PPARG: variants seen among roughly 807,000 people sequenced by gnomAD.
PPARG encodes the protein peroxisome proliferator-activated receptor gamma.
A neutral mutation model predicts 39.2 loss-of-function variants in PPARG; 17 were observed. The ratio of observed to expected loss-of-function variants is 0.43; its 90% CI spans 0.30 to 0.65. The LOEUF (loss-of-function observed/expected upper bound fraction) is 0.65. Ranked by LOEUF, PPARG falls within the 30% of genes least tolerant of loss-of-function variation. The probability of loss-of-function intolerance (pLI) is 0.13; values close to 1 mark genes in which losing one functional copy is unlikely to be tolerated. For missense variants in PPARG, 406 were observed against 585.9 expected (o/e 0.69, Z 3.17); for synonymous variants, 223 against 215.7 (o/e 1.03, Z -0.30).
chr3:12,366,637 G>T (rs956879669), intron 2 of PPARG, among the ~76,000 whole-genome samples: 28 of 152,054 alleles, frequency 1.8e-4, no homozygotes, highest in African/African-American at 6.5e-4. Context: ...TTCTTTTTCT[G>T]CATTTATTGA....
At position 12,426,366 on chromosome 3, in the gene PPARG, AT is replaced by A. The variant is rs1244443399; in HGVS notation, c.1181-7528del. 2.0e-5 allele frequency among the ~76,000 whole-genome samples: 3 copies of A among 152,298 alleles called. No individual in the cohort carries two copies. The East Asian group carries it at 5.8e-4, about 29-fold the overall frequency. On this transcript the variant is annotated intron_variant, in intron 7 of 7. Transcript: ENST00000651735. Reference sequence around the variant, plus strand: ...TTGTCAAAGCATTTGCAAGATCTCTATTTTATGTCATCCCCTTTCCCTGAAA... The same window carrying A: ...TTGTCAAAGCATTTGCAAGATCTCTATTTATGTCATCCCCTTTCCCTGAAA...
intron 2 of PPARG, among the ~76,000 whole-genome samples, chr3:12,365,430 T>A (rs1160518824): frequency 2.6e-5 from 4 of 152,234 alleles, no homozygotes; most frequent in Non-Finnish European, 5.9e-5. Context: ...TCTCTGGTGG[T>A]GTATCTAAAA....
At chr3:12,323,893 C>T (rs892161862) in intron 2 of PPARG, among the ~76,000 whole-genome samples, 1 of 152,086 alleles carries the variant, frequency 6.6e-6, no homozygotes, top group Non-Finnish European at 1.5e-5. Flanking sequence ...GACCCTAGAC[C>T]ATTGCTAATT....
chr3:12,417,053 AC>A lies in PPARG; in HGVS notation c.1080del (p.Phe361LeufsTer10). ...AAGAGCCTGCGAAAGCCTTTTGGTG[AC>A]TTTATGGAGCCCAAGTTTGAGTTTG... Reference protein sequence around the residue: ...FLKSLRKPFGDFMEPKFEFAV... With the variant: ...FLKSLRKPFGXFMEPKFEFAV... On this transcript the variant is annotated frameshift_variant, in exon 7 of 8. Coordinates refer to ENST00000651735, the MANE Select transcript of PPARG (RefSeq NM_138711.6). LOFTEE classifies it high-confidence loss of function. 6.2e-7 allele frequency: 1 copy of A among 1,612,894 alleles called. No individual in the cohort carries two copies. Among genetic ancestry groups the A allele is most frequent in the Non-Finnish European group, 8.5e-7 (1 of 1,179,228 alleles).
At chr3:12,331,278 T>G (rs988771862) in intron 2 of PPARG, among the ~76,000 whole-genome samples, 1 of 152,180 alleles carries the variant, frequency 6.6e-6, no homozygotes, top group Non-Finnish European at 1.5e-5. Flanking sequence ...TGAGTTAAGT[T>G]ACTGTGAGAG....
chr3:12,317,343 A>C (rs2047417382), intron 2 of PPARG, among the ~76,000 whole-genome samples: 1 of 152,212 alleles, frequency 6.6e-6, no homozygotes, highest in East Asian at 1.9e-4. Flanking sequence ...GATTTTTTAA[A>C]ATAAAAAGAT....
chr3:12,308,509 A>C (rs1038004383), intron 1 of PPARG, among the ~76,000 whole-genome samples: 1 of 152,154 alleles, frequency 6.6e-6, no homozygotes, highest in Non-Finnish European at 1.5e-5. Context: ...TATTGAGCCA[A>C]TCGTTATGCA....
chr3:12,404,620 G>A (rs755220157), intron 5 of PPARG, among the ~76,000 whole-genome samples: 1 of 152,066 alleles, frequency 6.6e-6, no homozygotes, highest in Admixed American at 6.6e-5. Flanking sequence ...CCTGGACAAC[G>A]TGGTAAAACC....
chr3:12,289,407 G>C (rs530379328), intron 1 of PPARG, among the ~76,000 whole-genome samples: 1 of 152,116 alleles, frequency 6.6e-6, no homozygotes, highest in African/African-American at 2.4e-5. Flanking sequence ...AAGTTTATTT[G>C]TGTAAATTAT....
intron 7 of PPARG, among the ~76,000 whole-genome samples, chr3:12,417,847 G>A (rs1392259093): frequency 1.4e-5 from 2 of 141,478 alleles, no homozygotes; most frequent in East Asian, 4.3e-4. Flanking sequence ...AATTCCAAAA[G>A]CCAGATTTTC....
At chr3:12,390,658 T>TTTG (rs2050042507) in intron 4 of PPARG, among the ~76,000 whole-genome samples, 1 of 146,460 alleles carries the variant, frequency 6.8e-6, no homozygotes, top group African/African-American at 2.5e-5. Context: ...TTTTTTTTTT[T>TTTG]GAGACAATGT....
chr3:12,318,979 A>G (rs2047466103), intron 2 of PPARG, among the ~76,000 whole-genome samples: 1 of 152,330 alleles, frequency 6.6e-6, no homozygotes, highest in African/African-American at 2.4e-5. Flanking sequence ...TAGACAGGAC[A>G]TAGGAAATTT....
At chr3:12,364,775 C>T (rs1339952471) in intron 2 of PPARG, among the ~76,000 whole-genome samples, 1 of 152,136 alleles carries the variant, frequency 6.6e-6, no homozygotes, top group African/African-American at 2.4e-5. Flanking sequence ...GTTTGCAGTG[C>T]TCTCGTGACA....
intron 4 of PPARG, among the ~76,000 whole-genome samples, chr3:12,390,470 T>G (rs1469518406): frequency 6.6e-6 from 1 of 152,064 alleles, no homozygotes; most frequent in East Asian, 1.9e-4. Context: ...TAAATCATAG[T>G]CTTTCACTAA....
intron 2 of PPARG, among the ~76,000 whole-genome samples, chr3:12,367,866 C>T (rs1454399530): frequency 4.6e-5 from 7 of 151,642 alleles, no homozygotes; most frequent in Non-Finnish European, 8.8e-5. Context: ...CAGAGTGAGA[C>T]CCTGCCTCAA....
intron 2 of PPARG, among the ~76,000 whole-genome samples, chr3:12,334,843 T>A (rs938417890): frequency 6.6e-6 from 1 of 152,218 alleles, no homozygotes; most frequent in Non-Finnish European, 1.5e-5. Flanking sequence ...ACCATCTAGG[T>A]CAATACATTT....
At chr3:12,358,148 C>G (rs2048726183) in intron 2 of PPARG, among the ~76,000 whole-genome samples, 1 of 152,168 alleles carries the variant, frequency 6.6e-6, no homozygotes. Context: ...GAGTAGCATT[C>G]ATTGAATATC....
chr3:12,390,733 C>T (rs1034913148), intron 4 of PPARG, among the ~76,000 whole-genome samples: 1 of 141,358 alleles, frequency 7.1e-6, no homozygotes, highest in Non-Finnish European at 1.5e-5. Flanking sequence ...GCAGTTAGAC[C>T]TCCTGGGCTC....
chr3:12,392,539 A>AT (rs759092883), intron 4 of PPARG, 75 bp from the exon 5 acceptor site: 2 of 1,546,854 alleles, frequency 1.3e-6, no homozygotes, highest in Non-Finnish European at 8.9e-7. Flanking sequence ...CCAGGCCAGT[A>AT]TACCTTTCGC....
Sources: allele counts gnomAD v4.1 joint callset (sites outside exome capture counted in the v4.1 genomes callset), GRCh38; gene constraint gnomAD v4.1.1; transcripts MANE v1.5; gene names NCBI Gene and HGNC (gene_info 2026-07-23, HGNC 2026-07-21).